The following PLCB1 variants were observed in gnomAD, a reference collection of about 807,000 sequenced individuals.
The protein encoded by PLCB1 is phospholipase C beta 1.
PLCB1 carries 46 observed loss-of-function variants against 161.8 expected under a neutral mutation model. That is an observed-to-expected ratio of 0.28 (90% CI 0.22 to 0.36). PLCB1 has a LOEUF of 0.36. Among genes scored for constraint, PLCB1 ranks in the 10% least tolerant of loss-of-function variants. The pLI is 1.00. For missense variants in PLCB1, 1,016 were observed against 1,472.5 expected (o/e 0.69, Z 5.07); for synonymous variants, 517 against 503.7 (o/e 1.03, Z -0.35).
At chr20:8,608,556 T>A (rs1987820237) in intron 3 of PLCB1, among the ~76,000 whole-genome samples, 1 of 152,236 alleles carries the variant, frequency 6.6e-6, no homozygotes, top group South Asian at 2.1e-4. Context: ...TGACATCTGT[T>A]AAATAACTCA....
At chr20:8,502,566 A>G (rs549147898) in intron 3 of PLCB1, among the ~76,000 whole-genome samples, 1 of 152,248 alleles carries the variant, frequency 6.6e-6, no homozygotes, top group Non-Finnish European at 1.5e-5. Flanking sequence ...GAACATTTCT[A>G]TGTTCTAGTT....
At chr20:8,425,710 A>AATG (rs1290688931) in intron 3 of PLCB1, among the ~76,000 whole-genome samples, 2 of 152,176 alleles carry the variant, frequency 1.3e-5, no homozygotes, top group Non-Finnish European at 2.9e-5. Context: ...GGTGACTGTA[A>AATG]ACTCCCTAGG....
chr20:8,706,039 G>A (rs1978651976), intron 11 of PLCB1, among the ~76,000 whole-genome samples: 1 of 152,230 alleles, frequency 6.6e-6, no homozygotes, highest in South Asian at 2.1e-4. Flanking sequence ...GCTGCAATAA[G>A]AAGAAACCCT....
Position 8,632,024 on chromosome 20 carries a change from GGTTTTTTTTGCTTTTTT to G in PLCB1, c.384+3594_384+3610del, listed in dbSNP as rs1417518644. On this transcript the variant is annotated intron_variant, in intron 4 of 31. Coordinates refer to ENST00000338037, the MANE Select transcript of PLCB1 (RefSeq NM_015192.4). The stretch of plus-strand genomic sequence containing the variant: ...ATTACTCCTGGAGGAGACAAATATG[GGTTTTTTTTGCTTTTTT>G]TTTTTTTTTTTTTTTTTTTTTTTTT... 1.1e-4 allele frequency among the ~76,000 whole-genome samples: 10 copies of G among 91,774 alleles called. No individual in the cohort carries two copies. In the East Asian group the frequency reaches 3.9e-3, roughly 36 times the overall value. The allele number at this position is 91,774 out of a possible 152,430, so 60.2% of individuals were successfully genotyped here.
intron 10 of PLCB1, among the ~76,000 whole-genome samples, chr20:8,697,043 T>G (rs1235248723): frequency 6.6e-6 from 1 of 152,040 alleles, no homozygotes; most frequent in East Asian, 1.9e-4. Context: ...TTAAATTTAT[T>G]TTTTTTTAAA....
rs1040068328 is a variant in PLCB1 at position 8,642,145 on chromosome 20, G to GT, written c.385-3950dup. 5.9e-5 allele frequency among the ~76,000 whole-genome samples: 9 copies of GT among 151,880 alleles called. No homozygotes were observed. In the East Asian group the frequency reaches 7.7e-4, roughly 13 times the overall value. ...TGTTTCCTAGCTTTTTGTTAGTTGG[G>GT]TTTTTTTGTAATTATGTATGATTGG... On this transcript the variant is annotated intron_variant, in intron 4 of 31. Transcript: ENST00000338037.
intron 2 of PLCB1, among the ~76,000 whole-genome samples, chr20:8,302,743 C>A (rs921027591): frequency 1.3e-5 from 2 of 151,168 alleles, no homozygotes; most frequent in African/African-American, 4.9e-5. Flanking sequence ...TTTAACATAC[C>A]CCTTCATTTA....
chr20:8,140,286 A>T (rs1301779726), intron 1 of PLCB1, among the ~76,000 whole-genome samples: 2 of 152,242 alleles, frequency 1.3e-5, no homozygotes, highest in Non-Finnish European at 2.9e-5. Flanking sequence ...TCAAGTGCTT[A>T]CTTTATATTA....
chr20:8,541,552 A>T (rs1985315757), intron 3 of PLCB1, among the ~76,000 whole-genome samples: 1 of 67,580 alleles, frequency 1.5e-5, no homozygotes, highest in East Asian at 2.5e-4. Context: ...CAGATAATGA[A>T]AGGAAGAAAG....
In PLCB1 at chr20:8,150,520, TCTTAGGA is replaced by T. The variant is rs1218170038; in HGVS notation, c.177+158_177+164del. On this transcript the variant is annotated intron_variant, in intron 2 of 31. Transcript: ENST00000338037. ...TACTTTTAAAGAATATCTAAGGTAT[TCTTAGGA>T]CTTAGGACGTTTCAAAGTCACTAGT... 6 of 467,180 alleles carry T rather than the reference TCTTAGGA, an allele frequency of 1.3e-5. No homozygotes were observed. In the East Asian group the frequency reaches 1.4e-4, roughly 11 times the overall value. 28.9% of individuals were successfully genotyped at this position (467,180 alleles called of 1,614,324 possible).
chr20:8,788,883 G>A (rs917879265), intron 29 of PLCB1, among the ~76,000 whole-genome samples, 161 bp downstream of exon 29: 10 of 152,154 alleles, frequency 6.6e-5, no homozygotes, highest in Non-Finnish European at 1.0e-4. Context: ...TAACAGGGAA[G>A]GCTCAAGCAA....
chr20:8,716,428 T>C (rs911207908), intron 13 of PLCB1, 80 bp downstream of exon 13: 6 of 1,008,570 alleles, frequency 5.9e-6, no homozygotes, highest in Admixed American at 3.8e-5. Flanking sequence ...TACTTCCTTT[T>C]CATATTTATG....
chr20:8,541,563 A>AGAAAGAAAGAAAGAAC (rs2122958173), intron 3 of PLCB1, among the ~76,000 whole-genome samples: 1 of 18,810 alleles, frequency 5.3e-5, no homozygotes, highest in African/African-American at 3.0e-4. Context: ...AGGAAGAAAG[A>AGAAAGAAAGAAAGAAC]GAAAGAAAGA....
intron 23 of PLCB1, chr20:8,750,843 A>G: frequency 7.3e-7 from 1 of 1,365,622 alleles, no homozygotes; most frequent in South Asian, 1.1e-5. Flanking sequence ...ACTCACCCGT[A>G]ATACGCTGGA....
chr20:8,545,913 G>A (rs1985522112), intron 3 of PLCB1, among the ~76,000 whole-genome samples: 1 of 152,200 alleles, frequency 6.6e-6, no homozygotes, highest in African/African-American at 2.4e-5. Context: ...TAAGGCTAAA[G>A]AGAAGTAACT....
intron 4 of PLCB1, among the ~76,000 whole-genome samples, chr20:8,642,145 G>A (rs6055967): frequency 0.15 from 23,120 of 151,844 alleles, 1,956 homozygotes; most frequent in East Asian, 0.31. Flanking sequence ...TGTTAGTTGG[G>A]TTTTTTTGTA....
intron 31 of PLCB1, among the ~76,000 whole-genome samples, chr20:8,872,890 G>A (rs184136597): frequency 1.9e-4 from 29 of 152,102 alleles, no homozygotes; most frequent in South Asian, 4.1e-4. Flanking sequence ...ATCTCTCCTC[G>A]CCCCGCAAAA....
At chr20:8,837,700 A>T (rs1222273650) in intron 31 of PLCB1, among the ~76,000 whole-genome samples, 1 of 152,198 alleles carries the variant, frequency 6.6e-6, no homozygotes, top group Admixed American at 6.5e-5. Context: ...TCCTGGAGAC[A>T]TACCTTTCAC....
At chr20:8,868,819 A>G (rs534750356) in intron 31 of PLCB1, among the ~76,000 whole-genome samples, 2 of 152,148 alleles carry the variant, frequency 1.3e-5, no homozygotes, top group East Asian at 3.9e-4. Flanking sequence ...TTTTTAGTAG[A>G]GATGGGATTT....
Sources: gnomAD v4.1 joint callset for allele counts (sites outside exome capture counted in the v4.1 genomes callset) on GRCh38, gnomAD v4.1.1 for gene constraint, MANE v1.5 for transcripts, NCBI Gene and HGNC (gene_info 2026-07-23, HGNC 2026-07-21) for gene names.